Variants in COL26A1 observed in about 807,000 individuals in gnomAD.
The protein encoded by COL26A1 is collagen type XXVI alpha 1 chain.
COL26A1 carries 41 observed loss-of-function variants against 59.3 expected under a neutral mutation model. The ratio of observed to expected loss-of-function variants is 0.69; its 90% confidence interval spans 0.54 to 0.90. The LOEUF is 0.90. Among genes scored for constraint, COL26A1 ranks in the 40% least tolerant of loss-of-function variants. COL26A1 has a pLI of 0.00. For missense variants in COL26A1, 612 were observed against 602.3 expected, an observed-to-expected ratio of 1.02 and a Z score of -0.17; for synonymous variants, 266 against 256.0, an observed-to-expected ratio of 1.04 and a Z score of -0.37.
chr7:101,554,555 GA>G (rs1193727326), intron 11 of COL26A1, among the ~76,000 whole-genome samples: 6 of 124,756 alleles, frequency 4.8e-5, no homozygotes, highest in Non-Finnish European at 9.7e-5. Context: ...AACCTAGCGA[GA>G]CCCCATTTCT....
At chr7:101,491,698 C>A (rs562767324) in intron 3 of COL26A1, among the ~76,000 whole-genome samples, 7 of 152,084 alleles carry the variant, frequency 4.6e-5, no homozygotes, top group Non-Finnish European at 7.4e-5. Context: ...GGGAGTGTAG[C>A]GGTGAGGACG....
intron 3 of COL26A1, among the ~76,000 whole-genome samples, chr7:101,479,154 C>G (rs539804184): frequency 6.6e-6 from 1 of 152,318 alleles, no homozygotes; most frequent in South Asian, 2.1e-4. Context: ...GTCAATTGCT[C>G]TCCAAACTCA....
Position 101,363,027 on chromosome 7 carries a change from C to A in COL26A1, c.-6C>A. 6.4e-7 allele frequency: 1 copy of A among 1,573,460 alleles called. No individual in the cohort carries two copies. The highest frequency in any genetic ancestry group is 8.6e-7 in the Non-Finnish European group (1 of 1,169,360). On this transcript the variant is annotated 5_prime_UTR_variant, in exon 1 of 13. Coordinates refer to ENST00000313669, the MANE Select transcript of COL26A1 (RefSeq NM_001278563.3). The stretch of plus-strand genomic sequence containing the variant: ...GACTCCGGGTCCCCGCGGGCTGCTG[C>A]GCACGATGAAGCTGGCCCTGCTCCT...
chr7:101,462,022 C>T (rs1273271164), intron 3 of COL26A1, among the ~76,000 whole-genome samples: 2 of 130,334 alleles, frequency 1.5e-5, no homozygotes, highest in Non-Finnish European at 3.2e-5. Flanking sequence ...TTTTTTGAGA[C>T]GAAGTCTTGC....
chr7:101,545,552 A>T, intron 7 of COL26A1, 62 bp downstream of exon 7: 1 of 1,515,954 alleles, frequency 6.6e-7, no homozygotes, highest in Non-Finnish European at 8.8e-7. Flanking sequence ...GGGAGGGATC[A>T]GCCTTCCTTA....
At chr7:101,362,712 A>C, upstream of COL26A1, 1 of 371,996 alleles carries the variant, frequency 2.7e-6, no homozygotes, top group Non-Finnish European at 4.8e-6. Flanking sequence ...TCGGGGTGTT[A>C]GGCTCCAGGG....
At chr7:101,480,361 C>G (rs1339874961) in intron 3 of COL26A1, among the ~76,000 whole-genome samples, 2 of 152,184 alleles carry the variant, frequency 1.3e-5, no homozygotes, top group East Asian at 1.9e-4. Context: ...CACTTCTACC[C>G]TATTTTCAAC....
chr7:101,405,955 T>A (rs576177510), intron 1 of COL26A1, among the ~76,000 whole-genome samples: 165 of 152,224 alleles, frequency 1.1e-3, no homozygotes, highest in Non-Finnish European at 2.0e-3. Flanking sequence ...GGAGAATAAA[T>A]GCAGATAACG....
chr7:101,463,607 TTCCC>T (rs1171150248), intron 3 of COL26A1, among the ~76,000 whole-genome samples: 8 of 110,394 alleles, frequency 7.2e-5, no homozygotes, highest in African/African-American at 2.7e-4. Flanking sequence ...CCCTTTCTTC[TTCCC>T]TCCCTCCCTC....
chr7:101,554,187 G>T (rs1022451447), intron 11 of COL26A1, among the ~76,000 whole-genome samples: 3 of 152,096 alleles, frequency 2.0e-5, no homozygotes, highest in African/African-American at 4.8e-5. Flanking sequence ...GGGCCGGCAG[G>T]GGGGGCCTTG....
chr7:101,493,566 T>TAA (rs1469814738), intron 3 of COL26A1, among the ~76,000 whole-genome samples: 2 of 151,972 alleles, frequency 1.3e-5, no homozygotes, highest in Admixed American at 6.6e-5. Flanking sequence ...TTTAAGTGCA[T>TAA]AAAATGAGCT....
intron 8 of COL26A1, 70 bp from the exon 9 acceptor site, chr7:101,549,101 G>C (rs1180463911): frequency 1.3e-6 from 1 of 764,384 alleles, no homozygotes; most frequent in African/African-American, 1.8e-5. Flanking sequence ...ATCAAGAACA[G>C]GTGCTGGGGT....
chr7:101,489,700 T>TCC (rs1794364943), intron 3 of COL26A1, among the ~76,000 whole-genome samples: 1 of 10,874 alleles, frequency 9.2e-5, no homozygotes, highest in Non-Finnish European at 1.5e-4. Flanking sequence ...TTTCTTTCTG[T>TCC]CTTTCTTTCT....
intron 1 of COL26A1, among the ~76,000 whole-genome samples, chr7:101,378,994 C>T (rs930829670): frequency 1.3e-5 from 2 of 152,116 alleles, no homozygotes; most frequent in Non-Finnish European, 2.9e-5. Context: ...CCCCAGCCCC[C>T]GTAGTTACGA....
intron 1 of COL26A1, among the ~76,000 whole-genome samples, chr7:101,415,157 C>CCT (rs1554407484): frequency 3.3e-4 from 49 of 147,294 alleles, no homozygotes; most frequent in African/African-American, 7.4e-4. Context: ...AACCCCCCCC[C>CCT]TTTTTTTTTT....
At chr7:101,542,799 C>T (rs1041523506) in intron 5 of COL26A1, among the ~76,000 whole-genome samples, 6 of 152,014 alleles carry the variant, frequency 3.9e-5, no homozygotes, top group East Asian at 1.9e-4. Flanking sequence ...CTCTGGCCCC[C>T]GGCCTACCCC....
chr7:101,386,338 C>T (rs1157483911), intron 1 of COL26A1, among the ~76,000 whole-genome samples: 13 of 150,860 alleles, frequency 8.6e-5, no homozygotes, highest in African/African-American at 1.2e-4. Context: ...GGCACGATCA[C>T]GGCTCACTGC....
intron 3 of COL26A1, among the ~76,000 whole-genome samples, chr7:101,525,264 C>A (rs1228319782): frequency 6.8e-6 from 1 of 147,072 alleles, no homozygotes; most frequent in African/African-American, 2.5e-5. Flanking sequence ...TCTCTACAAC[C>A]TCTGTCTCCT....
chr7:101,440,271 C>A (rs1793021100), intron 2 of COL26A1, among the ~76,000 whole-genome samples: 1 of 146,430 alleles, frequency 6.8e-6, no homozygotes, highest in Non-Finnish European at 1.5e-5. Flanking sequence ...GAGGCTGAGG[C>A]AGGAGAATCG....
Sources: gnomAD v4.1 joint callset for allele counts (sites outside exome capture counted in the v4.1 genomes callset) on GRCh38, gnomAD v4.1.1 for gene constraint, MANE v1.5 for transcripts, NCBI Gene and HGNC (gene_info 2026-07-23, HGNC 2026-07-21) for gene names.